The following PRDM2 variants were observed in gnomAD, a reference collection of about 807,000 sequenced individuals.
PRDM2 encodes the protein PR domain zinc finger protein 2.
A neutral mutation model predicts 130.0 loss-of-function variants in PRDM2; 30 were observed. That is an observed-to-expected ratio of 0.23 (90% CI 0.17 to 0.31). The LOEUF is 0.31. Among genes scored for constraint, PRDM2 ranks in the 10% least tolerant of loss-of-function variants. The probability of loss-of-function intolerance (pLI) is 1.00; values close to 1 mark genes in which losing one functional copy is unlikely to be tolerated. For missense variants in PRDM2, 2,011 were observed against 2,108.4 expected (o/e 0.95, Z 0.90); for synonymous variants, 871 against 782.4 (o/e 1.11, Z -1.89).
At chr1:13,710,941 CG>C (rs1340661742) in intron 1 of PRDM2, among the ~76,000 whole-genome samples, 1 of 151,996 alleles carries the variant, frequency 6.6e-6, no homozygotes, top group Non-Finnish European at 1.5e-5. Context: ...AAAAAATAGC[CG>C]GGCGTGTTGA....
rs1645045060 is a variant in PRDM2, at chr1:13,803,740, A to G, written c.5037-12687A>G. ...AGGTTCTCCGGGCCGAGGTCACTGC[A>G]GGCCAGGCCGGGCCAGCCTCCCTAT... On this transcript the variant is annotated intron_variant, in intron 8 of 9. Transcript: ENST00000311066. This position sits in a 1 kb window ranked among gnomAD's most constrained non-coding sequence, Gnocchi z 6.2. Among the ~76,000 whole-genome samples the G allele has an allele frequency of 6.6e-6, 1 of 152,190 alleles. No individual in the cohort carries two copies. The highest frequency in any genetic ancestry group is 1.5e-5 in the Non-Finnish European group (1 of 68,046).
Position 13,780,033 on chromosome 1 carries a change from C to T in PRDM2, c.2238C>T (p.His746=), listed in dbSNP as rs961267455. The T allele has an allele frequency of 6.2e-7, 1 of 1,614,192 alleles. No homozygotes were observed. Among genetic ancestry groups the T allele is most frequent in the South Asian group, 1.1e-5 (1 of 91,082 alleles). The change falls in exon 8 of 10, where the codon CAC becomes CAT. Residue 746 remains histidine (H), a synonymous_variant. Transcript: ENST00000311066. ...GCTCTCCTCCCAGTTCTCCACAGCA[C>T]AGTCCTGCCCTTCGAGACTTTGGAA... ...RTSSPPSSPQ[H]SPALRDFGKP...
At chr1:13,804,601 A>G (rs991601356) in intron 8 of PRDM2, among the ~76,000 whole-genome samples, 5 of 152,102 alleles carry the variant, frequency 3.3e-5, no homozygotes, top group African/African-American at 9.7e-5. Context: ...CGGGGGGGGA[A>G]ATGATGCCGC....
At chr1:13,808,479 A>T (rs1381440287) in intron 8 of PRDM2, among the ~76,000 whole-genome samples, 1 of 151,938 alleles carries the variant, frequency 6.6e-6, no homozygotes, top group African/African-American at 2.4e-5. Flanking sequence ...AAAAAAAAAA[A>T]AAAACAGTTG....
chr1:13,708,923 C>T (rs1642288284), intron 1 of PRDM2, among the ~76,000 whole-genome samples: 1 of 152,130 alleles, frequency 6.6e-6, no homozygotes, highest in Non-Finnish European at 1.5e-5. Flanking sequence ...TTTGATTTTT[C>T]ACTTTATTTA....
chr1:13,783,112 C>CT (rs1481269809), intron 8 of PRDM2: 15 of 661,610 alleles, frequency 2.3e-5, no homozygotes, highest in Middle Eastern at 2.7e-4. Flanking sequence ...CAAAAGTACT[C>CT]TAAGAAAAGA....
intron 4 of PRDM2, among the ~76,000 whole-genome samples, chr1:13,735,609 TAC>T (rs576613110): frequency 4.4e-4 from 67 of 152,170 alleles, no homozygotes; most frequent in Non-Finnish European, 8.5e-4. Flanking sequence ...GAGCAGACAG[TAC>T]AGATAGTTCC....
At chr1:13,764,305 G>A (rs1426681969) in intron 6 of PRDM2, among the ~76,000 whole-genome samples, 1 of 152,112 alleles carries the variant, frequency 6.6e-6, no homozygotes, top group African/African-American at 2.4e-5. Context: ...CTATTTATAT[G>A]TAAGGTTTTC....
rs374633663 is a variant in PRDM2, at chr1:13,772,874, A to G, written c.512-204A>G. On this transcript the variant is annotated intron_variant, in intron 6 of 9. Coordinates refer to ENST00000311066, the MANE Select transcript of PRDM2 (RefSeq NM_001393986.1). ...GTGTTTCTTTCTTTTCCCCTCTGTC[A>G]TAATTTACCTATATAACAGAGTATT... Among the ~76,000 whole-genome samples the G allele has an allele frequency of 2.6e-5, 4 of 152,324 alleles. No individual in the cohort carries two copies. In the South Asian group the frequency reaches 6.2e-4, roughly 24 times the overall value.
chr1:13,821,275 G>GTAT (rs1005719497), intron 9 of PRDM2, among the ~76,000 whole-genome samples: 29 of 151,644 alleles, frequency 1.9e-4, no homozygotes, highest in East Asian at 9.7e-4. Context: ...TAAACAACTG[G>GTAT]TATTATTATT....
At chr1:13,767,648 C>T (rs1346839744) in intron 6 of PRDM2, among the ~76,000 whole-genome samples, 1 of 151,900 alleles carries the variant, frequency 6.6e-6, no homozygotes, top group Non-Finnish European at 1.5e-5. Context: ...CACTTGAAAC[C>T]AGTGAAATAA....
rs1166590013 is a variant in PRDM2 at position 13,782,563 on chromosome 1, A to G, written c.4768A>G (p.Lys1590Glu). ...GGCCAAAATAACTCATGTTGAGGGG[A>G]AAAAACCTAAAGCTGTGGCCAAGAA... is the stretch of plus-strand genomic sequence containing the variant. ...RMAKITHVEG[K>E]KPKAVAKNHS... Residue 1590 changes from lysine to glutamate, a missense_variant, in exon 8 of 10, where the codon AAA (lysine) becomes GAA (glutamate). Transcript: ENST00000311066. The G allele has an allele frequency of 3.7e-6, 6 of 1,614,166 alleles. No homozygotes were observed. The highest frequency in any genetic ancestry group is 4.2e-6 in the Non-Finnish European group (5 of 1,180,028).
In PRDM2 at chr1:13,800,178, C is replaced by T. The variant is rs556393190; in HGVS notation, c.5037-16249C>T. Reference sequence around the variant, plus strand: ...CAGGGAACAAAACTGTCACAATGTCCTACTCCACGGAATTTATGTTCTAGT... The same window carrying T: ...CAGGGAACAAAACTGTCACAATGTCTTACTCCACGGAATTTATGTTCTAGT... On this transcript the variant is annotated intron_variant, in intron 8 of 9. Coordinates refer to ENST00000311066, the MANE Select transcript of PRDM2 (RefSeq NM_001393986.1). Among the ~76,000 whole-genome samples, 4 of 152,306 alleles carry T rather than the reference C, an allele frequency of 2.6e-5. No individual in the cohort carries two copies. In the East Asian group the frequency reaches 7.7e-4, roughly 29 times the overall value.
chr1:13,757,260 G>A (rs1485801058), intron 6 of PRDM2, among the ~76,000 whole-genome samples: 1 of 152,188 alleles, frequency 6.6e-6, no homozygotes, highest in African/African-American at 2.4e-5. Context: ...CATTTTTACT[G>A]CTTTCTAGCT....
rs546451582 is a variant in PRDM2, at chr1:13,780,898, C to G, written c.3103C>G (p.Pro1035Ala). The stretch of plus-strand genomic sequence containing the variant: ...AGTGTCCCCCTCTCCCTCTCCCATT[C>G]CTCCCGTGGAGCCCCTGATGTCTGC... ...PTVSPSPSPI[P>A]PVEPLMSAAS... The change falls in exon 8 of 10, where the codon CCT becomes GCT. Residue 1035 changes from proline (P) to alanine (A), a missense_variant. Pro to Ala is a conservative substitution (Grantham distance 27). Around this residue, in one of 5 missense-constraint regions of PRDM2, gnomAD observed 1,288 missense variants for 1,237.7 expected, o/e 1.04. Coordinates refer to ENST00000311066, the MANE Select transcript of PRDM2 (RefSeq NM_001393986.1). 6.2e-7 allele frequency: 1 copy of G among 1,613,296 alleles called. No individual in the cohort carries two copies. The highest frequency in any genetic ancestry group is 2.2e-5 in the East Asian group (1 of 44,864).
At chr1:13,799,550 A>G (rs1462258889) in intron 8 of PRDM2, among the ~76,000 whole-genome samples, 4 of 152,154 alleles carry the variant, frequency 2.6e-5, no homozygotes, top group Non-Finnish European at 4.4e-5. Flanking sequence ...CCAACTGTGG[A>G]TAAAACATAC....
intron 6 of PRDM2, among the ~76,000 whole-genome samples, chr1:13,769,791 TG>T (rs1373023610): frequency 6.6e-6 from 1 of 152,250 alleles, no homozygotes; most frequent in African/African-American, 2.4e-5. Context: ...AAGTACTTTT[TG>T]TAGTTTTTAA....
At chr1:13,805,888 C>T (rs756170605) in intron 8 of PRDM2, among the ~76,000 whole-genome samples, 1 of 152,048 alleles carries the variant, frequency 6.6e-6, no homozygotes, top group Non-Finnish European at 1.5e-5. Flanking sequence ...ACGTGGGGAC[C>T]CTGGAGCCCT....
chr1:13,764,226 G>GT (rs996539399), intron 6 of PRDM2, among the ~76,000 whole-genome samples: 83 of 152,160 alleles, frequency 5.5e-4, no homozygotes, highest in African/African-American at 1.9e-3. Flanking sequence ...TCCCACTTTG[G>GT]TTTTTTCAGC....
Sources: allele counts gnomAD v4.1 joint callset (sites outside exome capture counted in the v4.1 genomes callset), GRCh38; gene constraint gnomAD v4.1.1; regional missense constraint gnomAD v4.1.1; non-coding constraint Gnocchi (gnomAD v3.1); transcripts MANE v1.5; gene names NCBI Gene and HGNC (gene_info 2026-07-23, HGNC 2026-07-21).